SGCD: variants seen among roughly 807,000 people sequenced by gnomAD.
SGCD encodes the protein sarcoglycan delta, also known as delta-sarcoglycan.
SGCD carries 18 observed loss-of-function variants against 36.6 expected under a neutral mutation model. The observed-to-expected ratio is 0.49, with a 90% CI of 0.34 to 0.73. The LOEUF (loss-of-function observed/expected upper bound fraction) is 0.73, where lower values mean the gene tolerates loss of function less well. Among genes scored for constraint, SGCD ranks in the 30% least tolerant of loss-of-function variants. The probability of loss-of-function intolerance (pLI) is 0.01; values close to 1 mark genes in which losing one functional copy is unlikely to be tolerated. For synonymous variants in SGCD, 133 were observed against 130.6 expected, an observed-to-expected ratio of 1.02 and a Z score of -0.12; for missense variants, 387 against 346.7, an observed-to-expected ratio of 1.12 and a Z score of -0.92.
intron 4 of SGCD, among the ~76,000 whole-genome samples, chr5:156,521,016 CAAAAAAAAAA>C (rs3075012): frequency 1.8e-5 from 1 of 56,740 alleles, no homozygotes; most frequent in Admixed American, 2.2e-4. Context: ...GACTCCGTCT[CAAAAAAAAAA>C]AAAAAAAAAA....
intron 7 of SGCD, among the ~76,000 whole-genome samples, chr5:156,747,238 C>G (rs1037680480): frequency 1.3e-5 from 2 of 152,150 alleles, no homozygotes; most frequent in Non-Finnish European, 2.9e-5. Context: ...GCAAAACTAT[C>G]CTGGAAAACA....
At chr5:156,564,394 G>A (rs1448634251) in intron 4 of SGCD, among the ~76,000 whole-genome samples, 1 of 152,166 alleles carries the variant, frequency 6.6e-6, no homozygotes, top group African/African-American at 2.4e-5. Flanking sequence ...AGCTTGCAGT[G>A]AGCTGAGATC....
chr5:156,763,862 T>C lies in SGCD; in HGVS notation c.*4472T>C, dbSNP rs1334827656. 2 of 152,126 alleles carry C rather than the reference T, an allele frequency of 1.3e-5. No homozygotes were observed. Among genetic ancestry groups the C allele is most frequent in the Non-Finnish European group, 2.9e-5 (2 of 68,028 alleles). The allele number at this position is 152,126 out of a possible 1,614,324, so 9.4% of individuals were successfully genotyped here. On this transcript the variant is annotated 3_prime_UTR_variant, in exon 9 of 9. Coordinates refer to ENST00000337851, the MANE Select transcript of SGCD (RefSeq NM_000337.6). ...TTAAGGGAATCCCTCAGCCTTTTAT[T>C]TGGAAACAGTTGAAATAAACTGGCA...
the SGCD span, among the ~76,000 whole-genome samples, chr5:155,804,363 A>T: frequency 6.6e-6 from 1 of 152,242 alleles, no homozygotes; most frequent in Non-Finnish European, 1.5e-5. Context: ...AAAGTGATAG[A>T]GGAGGAACTT....
chr5:156,698,232 G>T (rs953045225), intron 7 of SGCD, among the ~76,000 whole-genome samples: 4 of 152,088 alleles, frequency 2.6e-5, no homozygotes, highest in Non-Finnish European at 5.9e-5. Flanking sequence ...CACTTTCTAG[G>T]CATGAAATCA....
chr5:156,267,889 G>T (rs1387260323), intron 3 of SGCD, among the ~76,000 whole-genome samples: 2 of 151,960 alleles, frequency 1.3e-5, no homozygotes, highest in African/African-American at 4.8e-5. Context: ...TGTTATATAG[G>T]TAAACTTGTC....
intron 4 of SGCD, among the ~76,000 whole-genome samples, chr5:156,562,240 A>T (rs903381870): frequency 4.6e-5 from 7 of 152,182 alleles, no homozygotes; most frequent in Non-Finnish European, 7.3e-5. Context: ...GGAAGAAAGA[A>T]AAGTGTAGCA....
At chr5:156,532,369 T>G (rs756508025) in intron 4 of SGCD, among the ~76,000 whole-genome samples, 7 of 152,236 alleles carry the variant, frequency 4.6e-5, no homozygotes, top group Non-Finnish European at 8.8e-5. Context: ...TCATAAATGT[T>G]TGCTGAATTT....
intron 4 of SGCD, among the ~76,000 whole-genome samples, chr5:156,560,143 T>C (rs1471141361): frequency 1.3e-5 from 2 of 152,194 alleles, no homozygotes; most frequent in African/African-American, 2.4e-5. Flanking sequence ...CACCTTTGTT[T>C]TTTCTCAAAT....
chr5:156,569,611 A>T lies in SGCD; in HGVS notation c.295-19620A>T, dbSNP rs1759636828. Among the ~76,000 whole-genome samples, 3 of 152,032 alleles carry T rather than the reference A, an allele frequency of 2.0e-5. No individual in the cohort carries two copies. In the South Asian group the frequency reaches 6.2e-4, roughly 32 times the overall value. On this transcript the variant is annotated intron_variant, in intron 4 of 8. Transcript: ENST00000337851. Reference sequence around the variant, plus strand: ...GATTTTTTGAGACCCTGTCTCAAAAAAAAAAAAAATAGACAATCAGACTTA... The same window carrying T: ...GATTTTTTGAGACCCTGTCTCAAAATAAAAAAAAATAGACAATCAGACTTA...
chr5:156,225,833 A>C (rs1764841013), intron 3 of SGCD, among the ~76,000 whole-genome samples: 1 of 152,068 alleles, frequency 6.6e-6, no homozygotes, highest in Admixed American at 6.6e-5. Flanking sequence ...AAAAACCTTA[A>C]AGGTTAAGAG....
At chr5:156,697,750 CGGATGGATGGATGGATGGAT>C (rs10544582) in intron 7 of SGCD, among the ~76,000 whole-genome samples, 1 of 149,162 alleles carries the variant, frequency 6.7e-6, no homozygotes, top group African/African-American at 2.5e-5. Context: ...GATGGACGGA[CGGATGGATGGATGGATGGAT>C]GGATGGATGG....
chr5:155,738,433 A>G, the SGCD span, among the ~76,000 whole-genome samples: 2 of 152,206 alleles, frequency 1.3e-5, no homozygotes. Context: ...CACAAGTGAC[A>G]GCACATAATG....
At chr5:155,840,204 C>G in the SGCD span, among the ~76,000 whole-genome samples, 2 of 151,098 alleles carry the variant, frequency 1.3e-5, no homozygotes, top group Non-Finnish European at 1.5e-5. Context: ...TCCTGTGTCC[C>G]TTGACACATC....
chr5:156,579,018 A>G (rs1048866570), intron 4 of SGCD, among the ~76,000 whole-genome samples: 1 of 152,154 alleles, frequency 6.6e-6, no homozygotes, highest in South Asian at 2.1e-4. Context: ...TGTCGATTTT[A>G]GATCTTTCCT....
chr5:156,362,894 A>T (rs1352740160), intron 3 of SGCD, among the ~76,000 whole-genome samples: 4 of 152,214 alleles, frequency 2.6e-5, no homozygotes, highest in African/African-American at 9.7e-5. Context: ...GCATTTAATT[A>T]AGGGGTACTC....
chr5:156,533,593 C>T (rs777840129), intron 4 of SGCD, among the ~76,000 whole-genome samples: 14 of 152,144 alleles, frequency 9.2e-5, no homozygotes, highest in Non-Finnish European at 1.6e-4. Context: ...AAGACATGGA[C>T]TTTCTTATCT....
chr5:156,558,417 C>T (rs1038290507), intron 4 of SGCD, among the ~76,000 whole-genome samples: 1 of 152,016 alleles, frequency 6.6e-6, no homozygotes, highest in Non-Finnish European at 1.5e-5. Context: ...TTATTTTAAA[C>T]AAAATTCAAC....
intron 1 of SGCD, among the ~76,000 whole-genome samples, chr5:156,327,813 A>T (rs1034831293): frequency 9.9e-5 from 15 of 152,194 alleles, no homozygotes; most frequent in African/African-American, 3.6e-4. Context: ...CTGGGATTTG[A>T]CTGTCAGTGA....
Sources: allele counts gnomAD v4.1 joint callset (sites outside exome capture counted in the v4.1 genomes callset), GRCh38; gene constraint gnomAD v4.1.1; transcripts MANE v1.5; gene names NCBI Gene and HGNC (gene_info 2026-07-23, HGNC 2026-07-21).